The following SLC9A2 variants were observed in gnomAD, a reference collection of about 807,000 sequenced individuals.
The protein encoded by SLC9A2 is solute carrier family 9 member A2, also known as sodium/hydrogen exchanger 2.
SLC9A2 carries 42 observed loss-of-function variants against 71.7 expected under a neutral mutation model. That is an observed-to-expected ratio of 0.59 (90% CI 0.46 to 0.76). The LOEUF is 0.76. Ranked by LOEUF, SLC9A2 falls within the 30% of genes least tolerant of loss-of-function variation. The probability of loss-of-function intolerance (pLI) is 0.00; values close to 1 mark genes in which losing one functional copy is unlikely to be tolerated. For synonymous variants in SLC9A2, 396 were observed against 392.5 expected (o/e 1.01, Z -0.10); for missense variants, 829 against 1,017.4 (o/e 0.81, Z 2.52).
intron 3 of SLC9A2, among the ~76,000 whole-genome samples, chr2:102,667,476 C>A (rs971377503): frequency 6.6e-5 from 10 of 152,084 alleles, no homozygotes; most frequent in Admixed American, 1.3e-4. Context: ...TCTTAAAGAT[C>A]CAGCTATTGG....
chr2:102,633,455 G>A (rs1436646719), intron 1 of SLC9A2, among the ~76,000 whole-genome samples: 3 of 152,126 alleles, frequency 2.0e-5, no homozygotes, highest in Non-Finnish European at 4.4e-5. Flanking sequence ...TGCTTGACCC[G>A]TAGGCCTCAT....
At chr2:102,621,815 T>A (rs538992880) in intron 1 of SLC9A2, among the ~76,000 whole-genome samples, 1 of 152,226 alleles carries the variant, frequency 6.6e-6, no homozygotes, top group South Asian at 2.1e-4. Flanking sequence ...AGAGCAAACA[T>A]TTAAACTGGA....
intron 5 of SLC9A2, among the ~76,000 whole-genome samples, chr2:102,684,949 A>G (rs1677520614): frequency 6.6e-6 from 1 of 152,226 alleles, no homozygotes; most frequent in Non-Finnish European, 1.5e-5. Flanking sequence ...CCTGCTGCAG[A>G]GCTTACATTT....
Position 102,649,763 on chromosome 2 carries a change from C to T in SLC9A2, c.290-7801C>T, listed in dbSNP as rs868666639. Among the ~76,000 whole-genome samples, 8 of 151,616 alleles carry T rather than the reference C, an allele frequency of 5.3e-5. No individual in the cohort carries two copies. In the South Asian group the frequency reaches 6.3e-4, roughly 12 times the overall value. On this transcript the variant is annotated intron_variant, in intron 1 of 11. Coordinates refer to ENST00000233969, the MANE Select transcript of SLC9A2 (RefSeq NM_003048.6). Reference sequence around the variant, plus strand: ...ATTAGAGAAATGCAAATCAAAACCCCGAGATACCATCTCACACCAGTTAGA... The same window carrying T: ...ATTAGAGAAATGCAAATCAAAACCCTGAGATACCATCTCACACCAGTTAGA...
intron 2 of SLC9A2, among the ~76,000 whole-genome samples, chr2:102,658,274 G>A (rs1319544594): frequency 6.6e-6 from 1 of 151,452 alleles, no homozygotes; most frequent in African/African-American, 2.4e-5. Context: ...CATTTTGCAC[G>A]GGGCCCCACA....
At position 102,619,957 on chromosome 2, in the gene SLC9A2, C is replaced by A. The variant is rs1472051142; in HGVS notation, c.109C>A (p.Leu37Met). 6.2e-7 allele frequency: 1 copy of A among 1,612,214 alleles called. No homozygotes were observed. Among genetic ancestry groups the A allele is most frequent in the African/African-American group, 1.3e-5 (1 of 75,018 alleles). ...GPVGALAETL[L>M]NAPRAMGTSS... ...CGTGGGCGCCCTGGCGGAGACCTTG[C>A]TGAACGCGCCGAGGGCCATGGGCAC... Residue 37 changes from leucine to methionine, a missense_variant, in exon 1 of 12, where the codon CTG (leucine) becomes ATG (methionine). Leu to Met is a conservative substitution (Grantham distance 15). Coordinates refer to ENST00000233969, the MANE Select transcript of SLC9A2 (RefSeq NM_003048.6). The surrounding 1 kb of genome is among the most constrained non-coding windows in gnomAD (Gnocchi z 4.3).
intron 1 of SLC9A2, among the ~76,000 whole-genome samples, chr2:102,637,727 G>A (rs1676495362): frequency 6.6e-6 from 1 of 152,322 alleles, no homozygotes; most frequent in Middle Eastern, 3.4e-3. Context: ...GGACAGGGAG[G>A]CACCCCTGGC....
chr2:102,658,098 C>A, intron 2 of SLC9A2, 71 bp downstream of exon 2: 1 of 1,179,802 alleles, frequency 8.5e-7, no homozygotes, highest in East Asian at 2.3e-5. Context: ...GCTCTCTGCA[C>A]CTCAACTGGC....
chr2:102,705,152 G>A (rs1236612752), intron 10 of SLC9A2, among the ~76,000 whole-genome samples: 3 of 152,140 alleles, frequency 2.0e-5, no homozygotes, highest in Admixed American at 2.0e-4. Context: ...ATTGCAGTGA[G>A]CCGAGATTGG....
At chr2:102,651,193 G>C (rs886254098) in intron 1 of SLC9A2, among the ~76,000 whole-genome samples, 2 of 152,114 alleles carry the variant, frequency 1.3e-5, no homozygotes, top group Non-Finnish European at 2.9e-5. Flanking sequence ...CCCTCTCCTG[G>C]ATTGCTGAAA....
chr2:102,656,229 A>G (rs899498365), intron 1 of SLC9A2, among the ~76,000 whole-genome samples: 1 of 151,050 alleles, frequency 6.6e-6, no homozygotes, highest in African/African-American at 2.4e-5. Context: ...CCCAACCCAC[A>G]TCTCTCTCCT....
chr2:102,651,606 T>C (rs961165011), intron 1 of SLC9A2, among the ~76,000 whole-genome samples: 1 of 152,192 alleles, frequency 6.6e-6, no homozygotes, highest in African/African-American at 2.4e-5. Flanking sequence ...CTCCCATCAA[T>C]CAAAAGGATT....
At chr2:102,632,155 C>CACATATATATACATATATATGTGTATAT (rs1558701602) in intron 1 of SLC9A2, among the ~76,000 whole-genome samples, 2 of 107,374 alleles carry the variant, frequency 1.9e-5, no homozygotes, top group African/African-American at 8.8e-5. Context: ...TACATATATA[C>CACATATATATACATATATATGTGTATAT]ACATATATAC....
At chr2:102,679,970 A>G (rs931451113) in intron 3 of SLC9A2, among the ~76,000 whole-genome samples, 6 of 152,190 alleles carry the variant, frequency 3.9e-5, no homozygotes, top group African/African-American at 1.4e-4. Context: ...ATTTTGTTTT[A>G]ACAAATACAA....
Position 102,657,210 on chromosome 2 carries a change from A to G in SLC9A2, c.290-354A>G, listed in dbSNP as rs924307806. ...GACAGAGCAAGACTCCATCTCAAAAAAAAAAATAATAATAATAATAATAAA... is the reference window on the plus strand; with the variant it reads ...GACAGAGCAAGACTCCATCTCAAAAGAAAAAATAATAATAATAATAATAAA... On this transcript the variant is annotated intron_variant, in intron 1 of 11. Coordinates refer to ENST00000233969, the MANE Select transcript of SLC9A2 (RefSeq NM_003048.6). Among the ~76,000 whole-genome samples, 6 of 151,952 alleles carry G rather than the reference A, an allele frequency of 3.9e-5. No individual in the cohort carries two copies. The South Asian group carries it at 1.0e-3, about 26-fold the overall frequency.
intron 3 of SLC9A2, among the ~76,000 whole-genome samples, chr2:102,675,939 G>C (rs943342457): frequency 1.3e-5 from 2 of 152,134 alleles, no homozygotes; most frequent in African/African-American, 4.8e-5. Flanking sequence ...TCATTACATG[G>C]ACAGAATCCC....
chr2:102,628,467 T>C (rs1226265940), intron 1 of SLC9A2, among the ~76,000 whole-genome samples: 1 of 152,144 alleles, frequency 6.6e-6, no homozygotes, highest in African/African-American at 2.4e-5. Context: ...AATGAAACTC[T>C]TCTCAAAGAT....
chr2:102,631,071 G>GT (rs1181042471), intron 1 of SLC9A2, among the ~76,000 whole-genome samples: 1 of 151,980 alleles, frequency 6.6e-6, no homozygotes, highest in Non-Finnish European at 1.5e-5. Flanking sequence ...GGTTTGGAGT[G>GT]TGCTTCTTGC....
At position 102,708,402 on chromosome 2, in the gene SLC9A2, C is replaced by T; in HGVS notation, c.2352C>T (p.Gly784=). The T allele has an allele frequency of 2.5e-6, 4 of 1,614,230 alleles. No individual in the cohort carries two copies. Among genetic ancestry groups the T allele is most frequent in the African/African-American group, 1.3e-5 (1 of 75,062 alleles). Residue 784 remains glycine (G), a synonymous_variant, in exon 12 of 12, where the codon GGC becomes GGT. Transcript: ENST00000233969. ...GSEREDSLTE[G]IPPKPPPRLV... ...AGAGGGAAGACAGTTTGACTGAAGGCATCCCGCCCAAGCCGCCACCACGGC... is the reference window on the plus strand; with the variant it reads ...AGAGGGAAGACAGTTTGACTGAAGGTATCCCGCCCAAGCCGCCACCACGGC...
Sources: allele counts gnomAD v4.1 joint callset (sites outside exome capture counted in the v4.1 genomes callset), GRCh38; gene constraint gnomAD v4.1.1; non-coding constraint Gnocchi (gnomAD v3.1); transcripts MANE v1.5; gene names NCBI Gene and HGNC (gene_info 2026-07-23, HGNC 2026-07-21).